GSTCD: variants seen among roughly 807,000 people sequenced by gnomAD.
The protein encoded by GSTCD is glutathione S-transferase C-terminal domain containing, also known as glutathione S-transferase C-terminal domain-containing protein.
A neutral mutation model predicts 68.3 loss-of-function variants in GSTCD; 44 were observed. That is an observed-to-expected ratio of 0.64 (90% CI 0.51 to 0.83). GSTCD has a LOEUF of 0.83. GSTCD is among the 40% of genes least tolerant of loss of function. The pLI, the probability that GSTCD is intolerant of heterozygous loss-of-function variation, is 0.00. For missense variants in GSTCD, 739 were observed against 735.9 expected (o/e 1.00, Z -0.05); for synonymous variants, 273 against 255.2 (o/e 1.07, Z -0.67).
Position 105,726,908 on chromosome 4 carries a change from T to A in GSTCD, c.1146+78T>A, listed in dbSNP as rs536472082. 20 of 1,122,368 alleles carry A rather than the reference T, an allele frequency of 1.8e-5. No homozygotes were observed. In the East Asian group the frequency reaches 4.8e-4, roughly 27 times the overall value. The allele number at this position is 1,122,368 out of a possible 1,614,324, so 69.5% of individuals were successfully genotyped here. A position where few individuals can be genotyped will look rare whatever the true frequency, so the allele number is the denominator to read the frequency against. ...AGCATTCTACTCCAACTTGTAATCA[T>A]TTGTTGACATTATTTTTGTTATAAA... is the stretch of plus-strand genomic sequence containing the variant. On this transcript the variant is annotated intron_variant, in intron 4 of 11. Coordinates refer to ENST00000515279, the MANE Select transcript of GSTCD (RefSeq NM_001370181.1).
chr4:105,825,628 A>T, intron 7 of GSTCD, 44 bp from the exon 8 acceptor site: 1 of 1,151,048 alleles, frequency 8.7e-7, no homozygotes, highest in Non-Finnish European at 1.3e-6. Flanking sequence ...CTAATGTCTG[A>T]ATTATGTTAC....
intron 5 of GSTCD, among the ~76,000 whole-genome samples, chr4:105,804,262 TAAAG>T (rs970985354): frequency 1.8e-4 from 27 of 152,034 alleles, no homozygotes; most frequent in African/African-American, 6.0e-4. Flanking sequence ...TTTATTTAAA[TAAAG>T]AAACTTTTCT....
chr4:105,731,048 T>G (rs906920700), intron 5 of GSTCD, among the ~76,000 whole-genome samples: 2 of 152,172 alleles, frequency 1.3e-5, no homozygotes, highest in Non-Finnish European at 2.9e-5. Flanking sequence ...TGTAGATGTG[T>G]GGTATTATTT....
At chr4:105,738,275 T>A (rs1452656583) in intron 5 of GSTCD, among the ~76,000 whole-genome samples, 1 of 152,252 alleles carries the variant, frequency 6.6e-6, no homozygotes, top group Admixed American at 6.5e-5. Context: ...AGTGCCACAC[T>A]ATTTTGGTTA....
chr4:105,781,505 C>A (rs1318163754), intron 5 of GSTCD, among the ~76,000 whole-genome samples: 3 of 151,878 alleles, frequency 2.0e-5, no homozygotes, highest in Admixed American at 1.3e-4. Flanking sequence ...AATCCTGTAG[C>A]CTTAGCCTCG....
intron 5 of GSTCD, among the ~76,000 whole-genome samples, chr4:105,743,951 G>A (rs575752777): frequency 6.6e-6 from 1 of 152,218 alleles, no homozygotes; most frequent in South Asian, 2.1e-4. Flanking sequence ...GAGCCACCAT[G>A]CCTCGCCAAA....
intron 5 of GSTCD, among the ~76,000 whole-genome samples, chr4:105,730,377 T>C (rs1168886408): frequency 6.6e-6 from 1 of 152,246 alleles, no homozygotes; most frequent in East Asian, 1.9e-4. Context: ...AAAGTGTTCC[T>C]ATTTCTCCAC....
chr4:105,744,001 A>G (rs561232055), intron 5 of GSTCD, among the ~76,000 whole-genome samples: 4 of 152,328 alleles, frequency 2.6e-5, no homozygotes, highest in African/African-American at 9.6e-5. Flanking sequence ...TAGTTATCAA[A>G]CAGGATATTT....
intron 5 of GSTCD, among the ~76,000 whole-genome samples, chr4:105,803,733 A>T (rs1478321867): frequency 6.6e-6 from 1 of 152,038 alleles, no homozygotes; most frequent in Non-Finnish European, 1.5e-5. Flanking sequence ...GTCAACATGG[A>T]TGCAACTTGA....
At chr4:105,726,983 CTT>C (rs1415813259) in intron 4 of GSTCD, among the ~76,000 whole-genome samples, 153 bp downstream of exon 4, 2 of 151,578 alleles carry the variant, frequency 1.3e-5, no homozygotes, top group Non-Finnish European at 1.5e-5. Flanking sequence ...TTCTGCTACT[CTT>C]TTCATTTATG....
At chr4:105,780,576 A>C (rs1225480025) in intron 5 of GSTCD, among the ~76,000 whole-genome samples, 1 of 152,240 alleles carries the variant, frequency 6.6e-6, no homozygotes, top group Admixed American at 6.5e-5. Flanking sequence ...TCACTGCAGA[A>C]GATATTATAG....
At chr4:105,800,816 T>G (rs1736078658) in intron 5 of GSTCD, among the ~76,000 whole-genome samples, 1 of 152,174 alleles carries the variant, frequency 6.6e-6, no homozygotes, top group Non-Finnish European at 1.5e-5. Context: ...GTTAGGTTCT[T>G]GCAAGCCTCT....
intron 4 of GSTCD, among the ~76,000 whole-genome samples, chr4:105,727,375 T>G (rs1733076247): frequency 6.6e-6 from 1 of 151,822 alleles, no homozygotes. Flanking sequence ...ATTACAAAAA[T>G]TAGCTGGGTG....
In GSTCD at chr4:105,719,192, G is replaced by A. The variant is rs931099078; in HGVS notation, c.559G>A (p.Val187Ile). 3 of 1,614,070 alleles carry A rather than the reference G, an allele frequency of 1.9e-6. No individual in the cohort carries two copies. The highest frequency in any genetic ancestry group is 2.5e-6 in the Non-Finnish European group (3 of 1,179,994). ...LQLEKKLSEP[V>I]RVHNDDKLRR... ...GCTAGAGAAAAAGCTTAGTGAGCCT[G>A]TTAGAGTGCATAATGATGATAAACT... The change falls in exon 3 of 12, where the codon GTT becomes ATT. Residue 187 changes from valine to isoleucine, a missense_variant. Coordinates refer to ENST00000515279, the MANE Select transcript of GSTCD (RefSeq NM_001370181.1).
rs1277165443 is a variant in GSTCD at position 105,719,436 on chromosome 4, C to T, written c.803C>T (p.Ser268Phe). 6.2e-7 allele frequency: 1 copy of T among 1,613,942 alleles called. No individual in the cohort carries two copies. Among genetic ancestry groups the T allele is most frequent in the Non-Finnish European group, 8.5e-7 (1 of 1,179,978 alleles). ...TCTCACATCAGAAAAGCAAAAGCCTCCGACCTTCCACCTCTGGAGCATGTG... is the reference window on the plus strand; with the variant it reads ...TCTCACATCAGAAAAGCAAAAGCCTTCGACCTTCCACCTCTGGAGCATGTG... ...EPSHIRKAKASDLPPLEHVFA... is the reference protein window; with the variant it reads ...EPSHIRKAKAFDLPPLEHVFA... The change falls in exon 3 of 12, where the codon TCC becomes TTC. Residue 268 changes from serine (S) to phenylalanine (F), a missense_variant. Transcript: ENST00000515279.
chr4:105,743,378 C>T (rs1733699737), intron 5 of GSTCD, among the ~76,000 whole-genome samples: 1 of 152,066 alleles, frequency 6.6e-6, no homozygotes, highest in Non-Finnish European at 1.5e-5. Context: ...GAGCTAGATA[C>T]TCAATTATTT....
intron 5 of GSTCD, among the ~76,000 whole-genome samples, chr4:105,732,526 C>T (rs367837792): frequency 5.3e-5 from 8 of 151,988 alleles, no homozygotes; most frequent in Admixed American, 2.0e-4. Flanking sequence ...TTCTTGGGAT[C>T]GGTGGTGATA....
chr4:105,723,293 C>G (rs1458873363), intron 3 of GSTCD, among the ~76,000 whole-genome samples: 1 of 150,888 alleles, frequency 6.6e-6, no homozygotes, highest in Non-Finnish European at 1.5e-5. Flanking sequence ...ATTTTTCAAA[C>G]TTTTTTTTTA....
intron 5 of GSTCD, among the ~76,000 whole-genome samples, chr4:105,817,424 T>C (rs1018589181): frequency 5.3e-5 from 8 of 151,724 alleles, no homozygotes; most frequent in Non-Finnish European, 7.4e-5. Flanking sequence ...ATTATAAGAG[T>C]AAAAATGCCA....
Sources: gnomAD v4.1 joint callset for allele counts (sites outside exome capture counted in the v4.1 genomes callset) on GRCh38, gnomAD v4.1.1 for gene constraint, MANE v1.5 for transcripts, NCBI Gene and HGNC (gene_info 2026-07-23, HGNC 2026-07-21) for gene names.